Variants in CEP152 observed in about 807,000 individuals in gnomAD.
The protein encoded by CEP152 is centrosomal protein 152.
Under a neutral mutation model 188.9 loss-of-function variants are expected in CEP152, and 132 were observed. The observed-to-expected ratio is 0.70, with a 90% CI of 0.61 to 0.81. The LOEUF (loss-of-function observed/expected upper bound fraction) is 0.81. Ranked by LOEUF, CEP152 falls within the 30% of genes least tolerant of loss-of-function variation. The pLI, the probability that CEP152 is intolerant of heterozygous loss-of-function variation, is 0.00. For synonymous variants in CEP152, 649 were observed against 666.6 expected (o/e 0.97, Z 0.41); for missense variants, 1,914 against 1,969.8 (o/e 0.97, Z 0.54).
At position 48,772,992 on chromosome 15, in the gene CEP152, A is replaced by C. The variant is rs7176224; in HGVS notation, c.1578-301T>G. On this transcript the variant is annotated intron_variant, in intron 12 of 26. Coordinates refer to ENST00000380950, the MANE Select transcript of CEP152 (RefSeq NM_001194998.2). ...TACATTTGTGTTATTGGAAAACTGC[A>C]TGCTGTATATACATGCCCTTTATGA... Among the ~76,000 whole-genome samples the C allele has an allele frequency of 3.9e-3, 598 of 152,332 alleles. 4 individuals are homozygous for C. The highest frequency in any genetic ancestry group is 0.014 in the African/African-American group (583 of 41,574).
chr15:48,784,255 G>T, intron 9 of CEP152, 135 bp from the exon 10 acceptor site: 1 of 835,530 alleles, frequency 1.2e-6, no homozygotes, highest in Non-Finnish European at 1.9e-6. Context: ...CTTTTACAAG[G>T]TAAAGTGCAC....
intron 7 of CEP152, among the ~76,000 whole-genome samples, chr15:48,792,676 T>A (rs1897057325): frequency 6.6e-6 from 1 of 152,168 alleles, no homozygotes; most frequent in Non-Finnish European, 1.5e-5. Flanking sequence ...GAATACTTCA[T>A]CCAGAGTAAT....
At chr15:48,809,957 T>C (rs1898223484) in intron 1 of CEP152, among the ~76,000 whole-genome samples, 1 of 152,214 alleles carries the variant, frequency 6.6e-6, no homozygotes, top group Admixed American at 6.5e-5. Context: ...CCCAAGCCTG[T>C]TCCCCCATGG....
chr15:48,789,506 G>A (rs1009789052), intron 8 of CEP152, among the ~76,000 whole-genome samples: 2 of 152,208 alleles, frequency 1.3e-5, no homozygotes, highest in African/African-American at 2.4e-5. Context: ...CAAAATGACC[G>A]TGTCCTAATC....
chr15:48,779,869 T>G (rs1481412553), intron 12 of CEP152, among the ~76,000 whole-genome samples: 2 of 152,238 alleles, frequency 1.3e-5, no homozygotes, highest in Non-Finnish European at 2.9e-5. Flanking sequence ...TTTAATTTAC[T>G]AACCAAACTG....
chr15:48,760,068 G>T (rs943256220), intron 19 of CEP152, 67 bp downstream of exon 19: 28 of 1,604,066 alleles, frequency 1.7e-5, no homozygotes, highest in East Asian at 4.5e-5. Flanking sequence ...CAAATTCCAA[G>T]GACTGAGATA....
intron 9 of CEP152, among the ~76,000 whole-genome samples, chr15:48,784,665 T>G (rs564102950): frequency 6.6e-6 from 1 of 152,216 alleles, no homozygotes; most frequent in South Asian, 2.1e-4. Flanking sequence ...TTCTTTCTTA[T>G]CTTTCTCCAC....
At chr15:48,736,085 CT>C, downstream of CEP152, among the ~76,000 whole-genome samples, 1 of 152,158 alleles carries the variant, frequency 6.6e-6, no homozygotes, top group South Asian at 2.1e-4. Context: ...CCAAAACTGA[CT>C]AAAGAAAAAA....
chr15:48,731,850 A>C (rs1270468922), intron 2 of CEP152, among the ~76,000 whole-genome samples: 1 of 152,120 alleles, frequency 6.6e-6, no homozygotes, highest in Non-Finnish European at 1.5e-5. Flanking sequence ...GAAACAAACA[A>C]CCCCAACAAA....
chr15:48,797,779 CATAG>C (rs1897403420), intron 3 of CEP152, 49 bp from the exon 4 acceptor site: 1 of 1,593,676 alleles, frequency 6.3e-7, no homozygotes, highest in African/African-American at 1.3e-5. Flanking sequence ...TTTATTTGTA[CATAG>C]ATAACACAAA....
At chr15:48,759,103 T>G (rs1226489299) in intron 19 of CEP152, among the ~76,000 whole-genome samples, 1 of 152,170 alleles carries the variant, frequency 6.6e-6, no homozygotes, top group East Asian at 1.9e-4. Flanking sequence ...TAATTTATCA[T>G]GTGTTATCCA....
chr15:48,767,547 T>C, intron 15 of CEP152, 84 bp from the exon 16 acceptor site: 2 of 1,572,972 alleles, frequency 1.3e-6, no homozygotes, highest in Non-Finnish European at 8.7e-7. Flanking sequence ...CCTCCTCACC[T>C]CTTCCCTCTA....
chr15:48,748,012 CA>C (rs2140612650), intron 22 of CEP152, among the ~76,000 whole-genome samples: 1 of 152,296 alleles, frequency 6.6e-6, no homozygotes, highest in Admixed American at 6.5e-5. Context: ...GTAGAATTAA[CA>C]ATCCTCTTTC....
At chr15:48,768,612 A>G (rs1349149294) in intron 14 of CEP152, among the ~76,000 whole-genome samples, 1 of 152,252 alleles carries the variant, frequency 6.6e-6, no homozygotes, top group African/African-American at 2.4e-5. Flanking sequence ...AGTATTGGCT[A>G]GCTGATGCCT....
Position 48,762,567 on chromosome 15 carries a change from C to T in CEP152, c.2386G>A (p.Asp796Asn). The change falls in exon 18 of 27, where the codon GAC becomes AAC. Residue 796 changes from aspartate to asparagine, a missense_variant. Physicochemically the swap from Asp to Asn is conservative, Grantham distance 23. Transcript: ENST00000380950. ...KKTLDCGSQT[D>N]QVTTSDVISK... Reference sequence around the variant, plus strand: ...ATAACATCACTGGTGGTTACTTGGTCAGTTTGGCTGCCACAATCTAAGGTC... The same window carrying T: ...ATAACATCACTGGTGGTTACTTGGTTAGTTTGGCTGCCACAATCTAAGGTC... 3 of 1,614,020 alleles carry T rather than the reference C, an allele frequency of 1.9e-6. No individual in the cohort carries two copies. The highest frequency in any genetic ancestry group is 2.5e-6 in the Non-Finnish European group (3 of 1,179,992).
At chr15:48,756,591 T>A in intron 19 of CEP152, 38 bp from the exon 20 acceptor site, 1 of 1,592,516 alleles carries the variant, frequency 6.3e-7, no homozygotes, top group Non-Finnish European at 8.5e-7. Context: ...AAAGTCTTTA[T>A]GATTCTCCTC....
Position 48,793,392 on chromosome 15 carries a change from T to A in CEP152, c.761A>T (p.Asn254Ile), listed in dbSNP as rs1168121814. 1 of 1,613,968 alleles carries A rather than the reference T, an allele frequency of 6.2e-7. No homozygotes were observed. Among genetic ancestry groups the A allele is most frequent in the Non-Finnish European group, 8.5e-7 (1 of 1,179,880 alleles). Residue 254 changes from asparagine to isoleucine, a missense_variant, in exon 7 of 27, where the codon AAC becomes ATC. Transcript: ENST00000380950. ...ACTTTCATTTAACTTTTCAATTAAG[T>A]TCTCCAGTTGTCTCTCTTTTGCTTT... The part of the protein sequence containing the change: ...LNKAKERQLE[N>I]LIEKLNESER...
intron 22 of CEP152, among the ~76,000 whole-genome samples, chr15:48,748,149 T>G (rs756256569): frequency 2.6e-5 from 4 of 152,192 alleles, no homozygotes; most frequent in Non-Finnish European, 5.9e-5. Flanking sequence ...GAATTTTGTA[T>G]GATTTATTCA....
intron 4 of CEP152, 25 bp from the exon 5 acceptor site, chr15:48,797,604 A>G (rs1411089754): frequency 6.2e-7 from 1 of 1,614,120 alleles, no homozygotes; most frequent in Admixed American, 1.7e-5. Flanking sequence ...GAGTAAAACA[A>G]AAGCACGAAG....
Sources: gnomAD v4.1 joint callset for allele counts (sites outside exome capture counted in the v4.1 genomes callset) on GRCh38, gnomAD v4.1.1 for gene constraint, MANE v1.5 for transcripts, NCBI Gene and HGNC (gene_info 2026-07-23, HGNC 2026-07-21) for gene names.